Variants in VEPH1 observed in about 807,000 individuals in gnomAD.
The protein encoded by VEPH1 is ventricular zone expressed PH domain containing 1, also known as ventricular zone-expressed PH domain-containing protein homolog 1.
A neutral mutation model predicts 85.2 loss-of-function variants in VEPH1; 80 were observed. The observed-to-expected ratio is 0.94, with a 90% CI of 0.78 to 1.13. The LOEUF is 1.13. Among genes scored for constraint, VEPH1 ranks in the 50% most tolerant of loss-of-function variants. The pLI is 0.00. For missense variants in VEPH1, 955 were observed against 980.5 expected (o/e 0.97, Z 0.35); for synonymous variants, 297 against 348.0 (o/e 0.85, Z 1.63).
intron 13 of VEPH1, among the ~76,000 whole-genome samples, chr3:157,265,055 G>T (rs1713440295): frequency 1.3e-5 from 2 of 152,120 alleles, no homozygotes; most frequent in South Asian, 4.2e-4. Context: ...ATAGATGAAA[G>T]ACAGTAATAT....
intron 9 of VEPH1, among the ~76,000 whole-genome samples, chr3:157,331,062 G>GA (rs1463376331): frequency 1.3e-5 from 2 of 152,138 alleles, no homozygotes; most frequent in East Asian, 3.9e-4. Context: ...GATCTTGCTG[G>GA]ATGGATGAAA....
At chr3:157,402,027 G>A (rs1021377627) in intron 6 of VEPH1, among the ~76,000 whole-genome samples, 2 of 152,164 alleles carry the variant, frequency 1.3e-5, no homozygotes, top group African/African-American at 4.8e-5. Flanking sequence ...ATAGGGTTAT[G>A]TTGAGATCTT....
In VEPH1 at chr3:157,495,439, A is replaced by G; in HGVS notation, c.-90T>C. The G allele has an allele frequency of 1.3e-6, 2 of 1,556,702 alleles. No individual in the cohort carries two copies. Among genetic ancestry groups the G allele is most frequent in the Non-Finnish European group, 1.7e-6 (2 of 1,154,460 alleles). On this transcript the variant is annotated 5_prime_UTR_variant, in exon 2 of 14. Coordinates refer to ENST00000362010, the MANE Select transcript of VEPH1 (RefSeq NM_001167912.2). ...GGTCAGTAAGACAAAAACATGTAGA[A>G]GGAGGTATACTTCTTATTCCATGAA...
At chr3:157,322,744 C>T (rs938455123) in intron 9 of VEPH1, among the ~76,000 whole-genome samples, 3 of 152,232 alleles carry the variant, frequency 2.0e-5, no homozygotes, top group South Asian at 2.1e-4. Context: ...TGACAGGAAC[C>T]CTTGAAGCAA....
chr3:157,440,226 A>G (rs1171965677), intron 4 of VEPH1, among the ~76,000 whole-genome samples: 17 of 152,356 alleles, frequency 1.1e-4, no homozygotes, highest in Admixed American at 5.9e-4. Context: ...AGTTCAAATT[A>G]TTTAGTGAAA....
chr3:157,420,336 T>C lies in VEPH1; in HGVS notation c.697-6246A>G, dbSNP rs572126733. 6.6e-5 allele frequency among the ~76,000 whole-genome samples: 10 copies of C among 151,432 alleles called. 1 individual carries two copies. The South Asian group carries it at 2.1e-3, about 31-fold the overall frequency. On this transcript the variant is annotated intron_variant, in intron 5 of 13. Transcript: ENST00000362010. The stretch of plus-strand genomic sequence containing the variant: ...GCCCATGTACCCCAGAACTTAAAAG[T>C]TGAAGGAGAAAAAAAAAAGAGCAAT...
intron 6 of VEPH1, among the ~76,000 whole-genome samples, chr3:157,399,125 A>G (rs1730638135): frequency 6.6e-6 from 1 of 152,078 alleles, no homozygotes; most frequent in Non-Finnish European, 1.5e-5. Context: ...GATTTGAATT[A>G]TCACAAAAAT....
intron 4 of VEPH1, among the ~76,000 whole-genome samples, chr3:157,450,049 T>TTG (rs1734844228): frequency 4.0e-5 from 1 of 25,146 alleles, no homozygotes; most frequent in African/African-American, 3.2e-4. Flanking sequence ...GAATATTTAC[T>TTG]TTTTTTTTTT....
In VEPH1 at chr3:157,265,525, C is replaced by A. The variant is rs201290994; in HGVS notation, c.2265+1G>T. On this transcript the variant is annotated splice_donor_variant, in intron 13 of 13. Transcript: ENST00000362010. LOFTEE classifies it high-confidence loss of function. Reference sequence around the variant, plus strand: ...GTGTAAAAGATGATGGAGGAACTTACAGACTTTCCTTTTTGAAACAGAAGT... The same window carrying A: ...GTGTAAAAGATGATGGAGGAACTTAAAGACTTTCCTTTTTGAAACAGAAGT... The A allele has an allele frequency of 7.8e-5, 126 of 1,611,680 alleles. No individual in the cohort carries two copies. Among genetic ancestry groups the A allele is most frequent in the Non-Finnish European group, 1.1e-4 (126 of 1,178,578 alleles).
At chr3:157,378,306 GTATATATATATATATATATATATATA>G (rs56800722) in intron 7 of VEPH1, among the ~76,000 whole-genome samples, 2,534 of 94,564 alleles carry the variant, frequency 0.027, 119 homozygotes, top group African/African-American at 0.093. Context: ...TTTTTGAATG[GTATATATATATATATATATATATATA>G]TATATATATA....
chr3:157,355,922 C>CAAAG (rs1725375370), intron 9 of VEPH1, among the ~76,000 whole-genome samples: 1 of 141,512 alleles, frequency 7.1e-6, no homozygotes, highest in Non-Finnish European at 1.5e-5. Context: ...TTTTTTGAGA[C>CAAAG]TGGGTCTCTC....
intron 6 of VEPH1, among the ~76,000 whole-genome samples, chr3:157,383,265 T>G (rs916900860): frequency 1.3e-5 from 2 of 152,224 alleles, no homozygotes; most frequent in African/African-American, 4.8e-5. Flanking sequence ...AGGATGCCCT[T>G]GCTTTTAAAG....
chr3:157,395,169 CA>C (rs1441185808), intron 6 of VEPH1, among the ~76,000 whole-genome samples: 1 of 152,150 alleles, frequency 6.6e-6, no homozygotes, highest in Non-Finnish European at 1.5e-5. Flanking sequence ...TGGCAGTCGA[CA>C]AGGCAGTTCT....
chr3:157,270,745 G>T (rs181147963), intron 12 of VEPH1, among the ~76,000 whole-genome samples: 23 of 152,120 alleles, frequency 1.5e-4, no homozygotes, highest in Non-Finnish European at 2.6e-4. Context: ...ACTATATTTG[G>T]ATCTGAGGGG....
At chr3:157,372,350 A>G (rs1727602682) in intron 7 of VEPH1, among the ~76,000 whole-genome samples, 1 of 152,224 alleles carries the variant, frequency 6.6e-6, no homozygotes. Flanking sequence ...CTCCTACATA[A>G]AATTCTGTGA....
chr3:157,395,781 G>A (rs928147779), intron 6 of VEPH1, among the ~76,000 whole-genome samples: 3 of 151,994 alleles, frequency 2.0e-5, no homozygotes, highest in East Asian at 1.9e-4. Flanking sequence ...CATATCATGA[G>A]GGTTTGTTGT....
chr3:157,442,371 G>A (rs760317971), intron 4 of VEPH1: 2 of 1,605,264 alleles, frequency 1.2e-6, no homozygotes, highest in South Asian at 1.1e-5. Flanking sequence ...TCTAGGTTGT[G>A]AAACAGCTAT....
At chr3:157,309,476 A>G (rs1719853665) in intron 11 of VEPH1, among the ~76,000 whole-genome samples, 1 of 152,170 alleles carries the variant, frequency 6.6e-6, no homozygotes, top group Non-Finnish European at 1.5e-5. Flanking sequence ...AATGACAAGC[A>G]TATGTTCTCA....
chr3:157,462,617 T>C lies in VEPH1; in HGVS notation c.355-2262A>G, dbSNP rs1048264799. On this transcript the variant is annotated intron_variant, in intron 3 of 13. Coordinates refer to ENST00000362010, the MANE Select transcript of VEPH1 (RefSeq NM_001167912.2). ...AAGAGCTAATGAGTTTTGGGAGTGATAGCATTCATATCTTGATATCCAGTC... is the reference window on the plus strand; with the variant it reads ...AAGAGCTAATGAGTTTTGGGAGTGACAGCATTCATATCTTGATATCCAGTC... Among the ~76,000 whole-genome samples, 4 of 152,184 alleles carry C rather than the reference T, an allele frequency of 2.6e-5. No individual in the cohort carries two copies. In the East Asian group the frequency reaches 5.8e-4, roughly 22 times the overall value.
Sources: gnomAD v4.1 joint callset for allele counts (sites outside exome capture counted in the v4.1 genomes callset) on GRCh38, gnomAD v4.1.1 for gene constraint, MANE v1.5 for transcripts, NCBI Gene and HGNC (gene_info 2026-07-23, HGNC 2026-07-21) for gene names.